Variants in LAMA2 observed in about 807,000 individuals in gnomAD.
LAMA2 encodes laminin subunit alpha 2.
LAMA2 carries 269 observed loss-of-function variants against 364.8 expected under a neutral mutation model. The ratio of observed to expected loss-of-function variants is 0.74; its 90% CI spans 0.67 to 0.82. LAMA2 has a LOEUF of 0.82. Ranked by LOEUF, LAMA2 falls within the 40% of genes least tolerant of loss-of-function variation. The pLI is 0.00. For missense variants in LAMA2, 3,807 were observed against 3,873.2 expected (o/e 0.98, Z 0.45); for synonymous variants, 1,379 against 1,370.6 (o/e 1.01, Z -0.14).
chr6:129,227,269 G>T (rs1208778698), intron 12 of LAMA2, among the ~76,000 whole-genome samples: 2 of 152,072 alleles, frequency 1.3e-5, no homozygotes, highest in Non-Finnish European at 2.9e-5. Flanking sequence ...CTTTGTGATG[G>T]GTTCGAACTT....
At chr6:129,039,163 T>C (rs1297400410) in intron 1 of LAMA2, among the ~76,000 whole-genome samples, 2 of 152,016 alleles carry the variant, frequency 1.3e-5, no homozygotes, top group East Asian at 1.9e-4. Flanking sequence ...TTCTACTAAA[T>C]ATCAACTAAG....
At chr6:129,119,133 A>G (rs1204018138) in intron 4 of LAMA2, among the ~76,000 whole-genome samples, 8 of 152,218 alleles carry the variant, frequency 5.3e-5, no homozygotes, top group Admixed American at 4.6e-4. Flanking sequence ...TTTTTTATGC[A>G]TAAGTGAAGA....
chr6:128,982,199 A>G (rs1782929977), intron 1 of LAMA2, among the ~76,000 whole-genome samples: 1 of 152,196 alleles, frequency 6.6e-6, no homozygotes, highest in South Asian at 2.1e-4. Flanking sequence ...TTCTTACTAG[A>G]GAAAGAAAAT....
chr6:129,477,656 A>G (rs1480110503), intron 53 of LAMA2, among the ~76,000 whole-genome samples: 2 of 151,892 alleles, frequency 1.3e-5, no homozygotes, highest in Non-Finnish European at 2.9e-5. Context: ...TATAAAAGTC[A>G]TTTTTCAATT....
chr6:129,480,162 A>G (rs376786010), intron 54 of LAMA2, among the ~76,000 whole-genome samples: 1 of 152,222 alleles, frequency 6.6e-6, no homozygotes, highest in East Asian at 1.9e-4. Flanking sequence ...TATCTGAACT[A>G]TCTAAAACTC....
At chr6:129,180,784 T>A (rs1434570646) in intron 10 of LAMA2, among the ~76,000 whole-genome samples, 2 of 152,042 alleles carry the variant, frequency 1.3e-5, no homozygotes, top group Non-Finnish European at 2.9e-5. Flanking sequence ...AAGAGGGAAA[T>A]CTAAGTTAAG....
chr6:129,257,294 C>A (rs1231422041), intron 14 of LAMA2, among the ~76,000 whole-genome samples: 3 of 151,970 alleles, frequency 2.0e-5, no homozygotes, highest in African/African-American at 4.8e-5. Flanking sequence ...AATAGCAGAA[C>A]CTAATGAACA....
intron 12 of LAMA2, among the ~76,000 whole-genome samples, chr6:129,222,112 A>G (rs773715912): frequency 1.5e-4 from 23 of 152,288 alleles, no homozygotes; most frequent in African/African-American, 5.3e-4. Flanking sequence ...GATAGTTGCA[A>G]ACATTGCTCA....
chr6:129,350,377 A>T (rs1043383745), intron 31 of LAMA2, among the ~76,000 whole-genome samples: 2 of 152,202 alleles, frequency 1.3e-5, no homozygotes, highest in African/African-American at 2.4e-5. Flanking sequence ...TGTGTAAAGG[A>T]CACTGTTGGT....
At chr6:129,066,132 G>A (rs1041527306) in intron 3 of LAMA2, among the ~76,000 whole-genome samples, 4 of 132,762 alleles carry the variant, frequency 3.0e-5, no homozygotes, top group Admixed American at 8.2e-5. Flanking sequence ...TGCAAGCTCC[G>A]CCTCCCGGGT....
intron 42 of LAMA2, among the ~76,000 whole-genome samples, chr6:129,439,742 C>T (rs927549712): frequency 2.0e-5 from 3 of 150,170 alleles, no homozygotes; most frequent in Non-Finnish European, 4.4e-5. Flanking sequence ...TTATTGAGTA[C>T]TTAATATACT....
At position 129,200,317 on chromosome 6, in the gene LAMA2, C is replaced by A. The variant is rs182129204; in HGVS notation, c.1782+7464C>A. ...ACATATACATGTGTGTATATATATACGTGTACACATATACATATACACGTA... is the reference window on the plus strand; with the variant it reads ...ACATATACATGTGTGTATATATATAAGTGTACACATATACATATACACGTA... On this transcript the variant is annotated intron_variant, in intron 12 of 64. Transcript: ENST00000421865. 3.8e-5 allele frequency among the ~76,000 whole-genome samples: 5 copies of A among 132,780 alleles called. No homozygotes were observed. In the South Asian group the frequency reaches 1.2e-3, roughly 31 times the overall value. 87.1% of individuals were successfully genotyped at this position (132,780 alleles called of 152,430 possible).
At chr6:129,493,481 G>A (rs1784990878) in intron 58 of LAMA2, among the ~76,000 whole-genome samples, 1 of 152,122 alleles carries the variant, frequency 6.6e-6, no homozygotes, top group African/African-American at 2.4e-5. Flanking sequence ...GGGTGATTTG[G>A]CCATAGACTA....
intron 1 of LAMA2, among the ~76,000 whole-genome samples, chr6:128,892,100 TA>T (rs957189908): frequency 1.3e-5 from 2 of 151,214 alleles, no homozygotes; most frequent in African/African-American, 4.8e-5. Context: ...AGCATAAAAC[TA>T]AAAAAAAAGA....
chr6:129,194,559 ATCATTTTCACATCAAAACACTG>A (rs1471933037), intron 12 of LAMA2, among the ~76,000 whole-genome samples: 3 of 152,146 alleles, frequency 2.0e-5, no homozygotes, highest in Non-Finnish European at 4.4e-5. Context: ...TCCCCTACCG[ATCATTTTCACATCAAAACACTG>A]TTCTTGCCTG....
intron 1 of LAMA2, among the ~76,000 whole-genome samples, chr6:128,998,470 A>T (rs1216486443): frequency 1.4e-5 from 1 of 72,562 alleles, no homozygotes; most frequent in Non-Finnish European, 2.6e-5. Context: ...TGATTTCTGC[A>T]TTTCCATCTG....
At chr6:128,939,348 TC>T (rs1009631687) in intron 1 of LAMA2, among the ~76,000 whole-genome samples, 1 of 152,038 alleles carries the variant, frequency 6.6e-6, no homozygotes, top group South Asian at 2.1e-4. Context: ...TTTTTTTTTT[TC>T]ATCCCAATGC....
At chr6:128,965,979 G>GTTTTT (rs11342050) in intron 1 of LAMA2, among the ~76,000 whole-genome samples, 1,565 of 112,762 alleles carry the variant, frequency 0.014, 59 homozygotes, top group African/African-American at 0.049. Context: ...TAAACCAGAG[G>GTTTTT]TTTTTTTTTT....
intron 12 of LAMA2, among the ~76,000 whole-genome samples, chr6:129,244,799 C>T (rs1375680660): frequency 1.3e-5 from 2 of 152,094 alleles, no homozygotes; most frequent in African/African-American, 4.8e-5. Flanking sequence ...TATGAATTAC[C>T]TTTTAGCCTT....
Sources: gnomAD v4.1 joint callset for allele counts (sites outside exome capture counted in the v4.1 genomes callset) on GRCh38, gnomAD v4.1.1 for gene constraint, MANE v1.5 for transcripts, NCBI Gene and HGNC (gene_info 2026-07-23, HGNC 2026-07-21) for gene names.